Variants in SFXN2 observed in about 807,000 individuals in gnomAD.
The protein encoded by SFXN2 is sideroflexin-2.
In SFXN2, 37 loss-of-function variants were observed where a neutral mutation model predicts 41.9. That is an observed-to-expected ratio of 0.88 (90% confidence interval 0.68 to 1.16). The LOEUF is 1.16. SFXN2 is among the 50% of genes most tolerant of loss of function. The probability of loss-of-function intolerance (pLI) is 0.00; values close to 1 mark genes in which losing one functional copy is unlikely to be tolerated. For synonymous variants in SFXN2, 150 were observed against 156.7 expected, an observed-to-expected ratio of 0.96 and a Z score of 0.32; for missense variants, 386 against 425.2, an observed-to-expected ratio of 0.91 and a Z score of 0.81.
rs1237121400 is a variant in SFXN2 at position 102,734,301 on chromosome 10, C to T, written c.821+698C>T. 6.6e-6 allele frequency among the ~76,000 whole-genome samples: 1 copy of T among 152,174 alleles called. No homozygotes were observed. The highest frequency in any genetic ancestry group is 1.5e-5 in the Non-Finnish European group (1 of 68,018). On this transcript the variant is annotated intron_variant, in intron 10 of 11. Coordinates refer to ENST00000369893, the MANE Select transcript of SFXN2 (RefSeq NM_178858.6). The surrounding 1 kb of genome is among the most constrained non-coding windows in gnomAD (Gnocchi z 4.1). ...AGGGTTCTTAGGTATCTGCCATTAA[C>T]TGGAGATGTCCTAGCGTTCACCATG... is the stretch of plus-strand genomic sequence containing the variant.
In SFXN2 at chr10:102,727,237, T is replaced by C; in HGVS notation, c.332+80T>C. On this transcript the variant is annotated intron_variant, in intron 3 of 11. Coordinates refer to ENST00000369893, the MANE Select transcript of SFXN2 (RefSeq NM_178858.6). ...GGGAGCCATACTATGATAATAATAA[T>C]AGTTCTCTTGATTGGTCACTTACCA... 2.1e-6 allele frequency: 3 copies of C among 1,453,766 alleles called. No homozygotes were observed. In the East Asian group the frequency reaches 6.9e-5, roughly 34 times the overall value. The allele number at this position is 1,453,766 out of a possible 1,614,324, so 90.1% of individuals were successfully genotyped here. A position where few individuals can be genotyped will look rare whatever the true frequency, so the allele number is the denominator to read the frequency against.
intron 3 of SFXN2, 103 bp from the exon 4 acceptor site, chr10:102,728,328 G>A (rs1228346518): frequency 1.1e-6 from 1 of 878,736 alleles, no homozygotes; most frequent in African/African-American, 1.7e-5. Flanking sequence ...ACTAGTATGG[G>A]AACAGTGTGG....
chr10:102,732,781 G>T lies in SFXN2; in HGVS notation c.722-78G>T, dbSNP rs890203148. 51 of 1,485,740 alleles carry T rather than the reference G, an allele frequency of 3.4e-5. No individual in the cohort carries two copies. In the African/African-American group the frequency reaches 5.8e-4, roughly 17 times the overall value. The allele number at this position is 1,485,740 out of a possible 1,614,324, so 92.0% of individuals were successfully genotyped here. On this transcript the variant is annotated intron_variant, in intron 8 of 11. Coordinates refer to ENST00000369893, the MANE Select transcript of SFXN2 (RefSeq NM_178858.6). ...CTGCTGAAGGAGAGGGAACCACTTG[G>T]TTCCTGGTCTGACTTCAGAAGGAGT...
chr10:102,718,859 C>T (rs1037807020), intron 1 of SFXN2, among the ~76,000 whole-genome samples: 19 of 151,900 alleles, frequency 1.3e-4, no homozygotes, highest in Non-Finnish European at 8.8e-5. Context: ...GTCTCCACCT[C>T]CTTTCTCTCT....
rs202072523 is a variant in SFXN2, at chr10:102,729,775, C to T, written c.560C>T (p.Ala187Val). The T allele has an allele frequency of 1.3e-4, 216 of 1,613,994 alleles. No individual in the cohort carries two copies. Among genetic ancestry groups the T allele is most frequent in the Non-Finnish European group, 3.2e-5 (38 of 1,179,946 alleles). Residue 187 changes from alanine (A) to valine (V), a missense_variant, in exon 6 of 12, where the codon GCT becomes GTT. Coordinates refer to ENST00000369893, the MANE Select transcript of SFXN2 (RefSeq NM_178858.6). ...RWVPFAAVAA[A>V]NCVNIPMMRQ... Reference sequence around the variant, plus strand: ...GTGCCCTTTGCCGCTGTGGCTGCGGCTAACTGTGTCAATATCCCCATGATG... The same window carrying T: ...GTGCCCTTTGCCGCTGTGGCTGCGGTTAACTGTGTCAATATCCCCATGATG...
chr10:102,737,654 T>C lies in SFXN2; in HGVS notation c.870-9T>C, dbSNP rs1317445866. 6.3e-7 allele frequency: 1 copy of C among 1,595,896 alleles called. No individual in the cohort carries two copies. Among genetic ancestry groups the C allele is most frequent in the East Asian group, 2.2e-5 (1 of 44,742 alleles). On this transcript the variant is annotated splice_polypyrimidine_tract_variant and intron_variant, in intron 11 of 11. Coordinates refer to ENST00000369893, the MANE Select transcript of SFXN2 (RefSeq NM_178858.6). ...GTGGCATGCTCATAATCCACTTCTC[T>C]CTTTTCAGTGAATTGCCAGTTTCCT...
chr10:102,717,124 C>CTTTTT lies in SFXN2; in HGVS notation c.-26+2461_-26+2465dup, dbSNP rs55839661. 4.2e-4 allele frequency among the ~76,000 whole-genome samples: 41 copies of CTTTTT among 97,242 alleles called. 1 individual carries two copies. The highest frequency in any genetic ancestry group is 8.4e-4 in the South Asian group (2 of 2,384). The allele number at this position is 97,242 out of a possible 152,430, so 63.8% of individuals were successfully genotyped here. A position where few individuals can be genotyped will look rare whatever the true frequency, so the allele number is the denominator to read the frequency against. On this transcript the variant is annotated intron_variant, in intron 1 of 11. Coordinates refer to ENST00000369893, the MANE Select transcript of SFXN2 (RefSeq NM_178858.6). Reference sequence around the variant, plus strand: ...CTTCAGGCTATGACATTCTCTCTCTCTTTTTTTTTTTTTTTTTTTTTTGTG... The same window carrying CTTTTT: ...CTTCAGGCTATGACATTCTCTCTCTCTTTTTTTTTTTTTTTTTTTTTTTTTTTGTG...
intron 9 of SFXN2, 58 bp from the exon 10 acceptor site, chr10:102,733,496 G>A (rs2064732476): frequency 7.0e-7 from 1 of 1,433,306 alleles, no homozygotes; most frequent in Non-Finnish European, 9.8e-7. Context: ...CAGGGTTGGG[G>A]TTCACCTTAA....
intron 5 of SFXN2, 40 bp downstream of exon 5, chr10:102,729,434 G>A: frequency 6.2e-7 from 1 of 1,607,824 alleles, no homozygotes; most frequent in Non-Finnish European, 8.5e-7. Flanking sequence ...GCCACGCGGG[G>A]GCAGCAGAGT....
At position 102,741,260 on chromosome 10, in the gene SFXN2, T is replaced by TA. The variant is rs1425421936; in HGVS notation, c.*3499dup. On this transcript the variant is annotated 3_prime_UTR_variant, in exon 12 of 12. Transcript: ENST00000369893. ...TTTGCCAAACTGAATTGGGGTTTCTTATTTATTGAGAGAAAGAGGGTATCA... is the reference window on the plus strand; with the variant it reads ...TTTGCCAAACTGAATTGGGGTTTCTTAATTTATTGAGAGAAAGAGGGTATCA... 2.0e-5 allele frequency: 3 copies of TA among 152,198 alleles called. No homozygotes were observed. Among genetic ancestry groups the TA allele is most frequent in the Non-Finnish European group, 4.4e-5 (3 of 68,048 alleles). 9.4% of individuals were successfully genotyped at this position (152,198 alleles called of 1,614,324 possible).
intron 10 of SFXN2, among the ~76,000 whole-genome samples, chr10:102,735,126 C>A (rs749870706): frequency 6.8e-6 from 1 of 147,924 alleles, no homozygotes; most frequent in Non-Finnish European, 1.5e-5. Context: ...CGATACAAGT[C>A]AATCCTCCCC....
chr10:102,733,178 C>T (rs1391887670), intron 9 of SFXN2, among the ~76,000 whole-genome samples: 7 of 152,310 alleles, frequency 4.6e-5, no homozygotes, highest in South Asian at 4.1e-4. Context: ...GATGGAGTCT[C>T]GCTCTGTCGC....
rs2064827478 is a variant in SFXN2 at position 102,740,026 on chromosome 10, C to A, written c.*2264C>A. 1 of 152,138 alleles carries A rather than the reference C, an allele frequency of 6.6e-6. No homozygotes were observed. The highest frequency in any genetic ancestry group is 2.4e-5 in the African/African-American group (1 of 41,406). The allele number at this position is 152,138 out of a possible 1,614,324, so 9.4% of individuals were successfully genotyped here. On this transcript the variant is annotated 3_prime_UTR_variant, in exon 12 of 12. Coordinates refer to ENST00000369893, the MANE Select transcript of SFXN2 (RefSeq NM_178858.6). The stretch of plus-strand genomic sequence containing the variant: ...TGAGAACGTGCATTTCTAGTCATTG[C>A]CCGGTGATGCTGATTCTGTTGGTCT...
At chr10:102,728,717 A>G in intron 4 of SFXN2, 188 bp downstream of exon 4, 1 of 573,428 alleles carries the variant, frequency 1.7e-6, no homozygotes. Context: ...CCAATTCCAA[A>G]TGTGTTTATT....
Position 102,739,729 on chromosome 10 carries a change from T to C in SFXN2, c.*1967T>C, listed in dbSNP as rs2134014649. 2 of 152,174 alleles carry C rather than the reference T, an allele frequency of 1.3e-5. No homozygotes were observed. The highest frequency in any genetic ancestry group is 3.9e-4 in the East Asian group (2 of 5,174). The allele number at this position is 152,174 out of a possible 1,614,324, so 9.4% of individuals were successfully genotyped here. A position where few individuals can be genotyped will look rare whatever the true frequency, so the allele number is the denominator to read the frequency against. On this transcript the variant is annotated 3_prime_UTR_variant, in exon 12 of 12. Transcript: ENST00000369893. ...GAGTTCGAGACCAGCCTGATCAACA[T>C]GGTGAAACCCGATCTCTACTAAAAA...
chr10:102,719,773 C>T (rs2064480032), intron 1 of SFXN2, among the ~76,000 whole-genome samples: 1 of 152,138 alleles, frequency 6.6e-6, no homozygotes, highest in Admixed American at 6.5e-5. Context: ...GCAAAATGAA[C>T]ATACCACCTC....
At chr10:102,721,604 ATTATATAT>A (rs2064510369) in intron 1 of SFXN2, among the ~76,000 whole-genome samples, 1 of 147,616 alleles carries the variant, frequency 6.8e-6, no homozygotes, top group African/African-American at 2.4e-5. Context: ...AATTTAAAAA[ATTATATAT>A]TTATATAGTT....
In SFXN2 at chr10:102,734,105, A is replaced by G. The variant is rs1019240523; in HGVS notation, c.821+502A>G. 3.3e-5 allele frequency among the ~76,000 whole-genome samples: 5 copies of G among 152,102 alleles called. No individual in the cohort carries two copies. The highest frequency in any genetic ancestry group is 2.1e-4 in the South Asian group (1 of 4,818). ...GGCTGGTCTCGAACTCCTGACCTCA[A>G]GTGATCCACCTGCCTCGGCCTCCCA... On this transcript the variant is annotated intron_variant, in intron 10 of 11. Transcript: ENST00000369893. The surrounding 1 kb of genome is among the most constrained non-coding windows in gnomAD (Gnocchi z 4.1).
At position 102,734,139 on chromosome 10, in the gene SFXN2, G is replaced by A. The variant is rs913406068; in HGVS notation, c.821+536G>A. 1.3e-5 allele frequency among the ~76,000 whole-genome samples: 2 copies of A among 152,142 alleles called. No individual in the cohort carries two copies. The highest frequency in any genetic ancestry group is 4.8e-5 in the African/African-American group (2 of 41,414). On this transcript the variant is annotated intron_variant, in intron 10 of 11. Coordinates refer to ENST00000369893, the MANE Select transcript of SFXN2 (RefSeq NM_178858.6). This position sits in a 1 kb window ranked among gnomAD's most constrained non-coding sequence, Gnocchi z 4.1. ...CCTGCCTCGGCCTCCCAAATTGCTG[G>A]GATTATAGGCATGAGCCACTGCGCC...
Sources: gnomAD v4.1 joint callset for allele counts (sites outside exome capture counted in the v4.1 genomes callset) on GRCh38, gnomAD v4.1.1 for gene constraint, Gnocchi (gnomAD v3.1) non-coding constraint, MANE v1.5 for transcripts, NCBI Gene and HGNC (gene_info 2026-07-23, HGNC 2026-07-21) for gene names.